Variants in SPECC1L observed in about 807,000 individuals in gnomAD.
The protein encoded by SPECC1L is cytospin-A.
A neutral mutation model predicts 116.8 loss-of-function variants in SPECC1L; 40 were observed. That is an observed-to-expected ratio of 0.34 (90% CI 0.27 to 0.45). The LOEUF (loss-of-function observed/expected upper bound fraction) is 0.45, where lower values mean the gene tolerates loss of function less well. Ranked by LOEUF, SPECC1L falls within the 20% of genes least tolerant of loss-of-function variation. The pLI, the probability that SPECC1L is intolerant of heterozygous loss-of-function variation, is 1.00. For synonymous variants in SPECC1L, 504 were observed against 500.6 expected (o/e 1.01, Z -0.09); for missense variants, 1,110 against 1,373.6 (o/e 0.81, Z 3.03).
intron 2 of SPECC1L, among the ~76,000 whole-genome samples, chr22:24,281,406 A>G (rs879703010): frequency 6.6e-6 from 1 of 152,198 alleles, no homozygotes; most frequent in South Asian, 2.1e-4. Context: ...GGAAGAATTG[A>G]CTTCTTAATA....
At chr22:24,352,559 A>G (rs5760357) in intron 11 of SPECC1L, among the ~76,000 whole-genome samples, 9,313 of 152,270 alleles carry the variant, frequency 0.061, 856 homozygotes, top group African/African-American at 0.19. Context: ...TTAAGGGTAC[A>G]TACCATAAAT....
At chr22:24,367,721 G>GATTTCC (rs2041798342) in intron 13 of SPECC1L, among the ~76,000 whole-genome samples, 2 of 152,160 alleles carry the variant, frequency 1.3e-5, no homozygotes, top group Non-Finnish European at 2.9e-5. Context: ...AGCTTCTGTT[G>GATTTCC]TAAATGTGTC....
chr22:24,404,875 G>T (rs555252021), intron 14 of SPECC1L, among the ~76,000 whole-genome samples: 163 of 152,152 alleles, frequency 1.1e-3, no homozygotes, highest in Non-Finnish European at 1.7e-3. Context: ...TTTCCCACAG[G>T]CTGTCCCTAG....
At chr22:24,318,917 C>CA (rs937053229) in intron 4 of SPECC1L, among the ~76,000 whole-genome samples, 1,685 of 126,308 alleles carry the variant, frequency 0.013, 7 homozygotes, top group South Asian at 0.015. Context: ...GACAGAGCCT[C>CA]AAAAAAAAAA....
intron 14 of SPECC1L, among the ~76,000 whole-genome samples, chr22:24,384,417 G>A (rs1356611047): frequency 6.6e-6 from 1 of 152,216 alleles, no homozygotes; most frequent in African/African-American, 2.4e-5. Context: ...ATAAAGAACA[G>A]TGGAAGAGTA....
At chr22:24,412,025 T>C (rs1411644624) in intron 15 of SPECC1L, 4 of 433,380 alleles carry the variant, frequency 9.2e-6, no homozygotes, top group Non-Finnish European at 1.7e-5. Flanking sequence ...GCAGGAGTAG[T>C]CAGGCAGTGC....
intron 14 of SPECC1L, among the ~76,000 whole-genome samples, chr22:24,376,821 T>C (rs1451745851): frequency 6.6e-6 from 1 of 152,092 alleles, no homozygotes; most frequent in Non-Finnish European, 1.5e-5. Flanking sequence ...ACCTAGTTTT[T>C]TTTTTTTCTT....
At chr22:24,381,919 A>C (rs1308370059) in intron 14 of SPECC1L, among the ~76,000 whole-genome samples, 1 of 152,184 alleles carries the variant, frequency 6.6e-6, no homozygotes, top group South Asian at 2.1e-4. Flanking sequence ...TAATTTATCA[A>C]ATAGTAAGTT....
chr22:24,417,332 G>A lies in SPECC1L; in HGVS notation c.*2709G>A, dbSNP rs2042819613. The A allele has an allele frequency of 6.6e-6, 1 of 152,454 alleles. No individual in the cohort carries two copies. The highest frequency in any genetic ancestry group is 1.5e-5 in the Non-Finnish European group (1 of 68,052). 9.4% of individuals were successfully genotyped at this position (152,454 alleles called of 1,614,324 possible). On this transcript the variant is annotated 3_prime_UTR_variant, in exon 17 of 17. Transcript: ENST00000314328. Reference sequence around the variant, plus strand: ...TAAACCAGAACCCAGCTCCCTCCTGGGACTGGCTGTGGAGAGAAGGGCACC... The same window carrying A: ...TAAACCAGAACCCAGCTCCCTCCTGAGACTGGCTGTGGAGAGAAGGGCACC...
chr22:24,275,571 G>GT (rs2048821462), intron 1 of SPECC1L, among the ~76,000 whole-genome samples: 1 of 140,432 alleles, frequency 7.1e-6, no homozygotes. Context: ...TTTTTTTTGA[G>GT]TTTGATGTGT....
chr22:24,308,460 A>G (rs939029661), intron 3 of SPECC1L, among the ~76,000 whole-genome samples: 26 of 152,168 alleles, frequency 1.7e-4, no homozygotes, highest in Admixed American at 1.6e-3. Context: ...TTTCCTTGTG[A>G]TAAGATTTGG....
chr22:24,274,802 C>G (rs1370957567), intron 1 of SPECC1L, among the ~76,000 whole-genome samples: 5 of 152,172 alleles, frequency 3.3e-5, no homozygotes, highest in Non-Finnish European at 7.3e-5. Context: ...GCTTGGTATC[C>G]AGAACACTTC....
At chr22:24,405,228 T>A (rs2042561817) in intron 14 of SPECC1L, among the ~76,000 whole-genome samples, 1 of 152,146 alleles carries the variant, frequency 6.6e-6, no homozygotes, top group Non-Finnish European at 1.5e-5. Flanking sequence ...CGAGCTAGTT[T>A]GTTATCTGAG....
chr22:24,406,739 G>T, intron 14 of SPECC1L, among the ~76,000 whole-genome samples: 2 of 152,294 alleles, frequency 1.3e-5, no homozygotes, highest in Middle Eastern at 6.8e-3. Flanking sequence ...TACTGATCCC[G>T]TCATAATATT....
intron 16 of SPECC1L, 76 bp downstream of exon 16, chr22:24,412,783 A>G: frequency 6.6e-7 from 1 of 1,518,772 alleles, no homozygotes; most frequent in Non-Finnish European, 9.1e-7. Flanking sequence ...TTTAAGCTGA[A>G]TCCTCGTGGG....
intron 14 of SPECC1L, among the ~76,000 whole-genome samples, chr22:24,391,241 A>G (rs2042269329): frequency 6.6e-6 from 1 of 152,106 alleles, no homozygotes; most frequent in South Asian, 2.1e-4. Context: ...GTGAAGTGAA[A>G]GAACTCTTTC....
At chr22:24,371,380 A>G (rs1366733528) in intron 14 of SPECC1L, among the ~76,000 whole-genome samples, 5 of 152,210 alleles carry the variant, frequency 3.3e-5, no homozygotes, top group Admixed American at 3.3e-4. Flanking sequence ...TGTGAGGCCA[A>G]GATGAGAGGA....
chr22:24,302,725 G>A (rs528532769), intron 3 of SPECC1L, among the ~76,000 whole-genome samples: 5 of 152,098 alleles, frequency 3.3e-5, no homozygotes, highest in Non-Finnish European at 5.9e-5. Context: ...AAATACCCAG[G>A]GAGAATGTCA....
chr22:24,326,464 A>G (rs1056891029), intron 6 of SPECC1L, among the ~76,000 whole-genome samples: 4 of 152,132 alleles, frequency 2.6e-5, no homozygotes, highest in Non-Finnish European at 4.4e-5. Flanking sequence ...AGACTCGTCT[A>G]CTCAGCTTGG....
Sources: allele counts gnomAD v4.1 joint callset (sites outside exome capture counted in the v4.1 genomes callset), GRCh38; gene constraint gnomAD v4.1.1; transcripts MANE v1.5; gene names NCBI Gene and HGNC (gene_info 2026-07-23, HGNC 2026-07-21).